Variants in VAT1L observed in about 807,000 individuals in gnomAD.
The protein encoded by VAT1L is vesicle amine transport 1 like, also known as putative NADPH-dependent quinone oxidoreductase VAT1L.
VAT1L carries 34 observed loss-of-function variants against 44.1 expected under a neutral mutation model. That is an observed-to-expected ratio of 0.77 (90% CI 0.59 to 1.03). The LOEUF is 1.03. VAT1L is among the 50% of genes least tolerant of loss of function. The pLI is 0.00. For synonymous variants in VAT1L, 253 were observed against 202.2 expected, an observed-to-expected ratio of 1.25 and a Z score of -2.13; for missense variants, 615 against 538.8, an observed-to-expected ratio of 1.14 and a Z score of -1.40.
rs532330113 is a variant in VAT1L at position 77,838,682 on chromosome 16, T to C, written c.579+13221T>C. Among the ~76,000 whole-genome samples the C allele has an allele frequency of 8.5e-5, 13 of 152,164 alleles. No homozygotes were observed. In the South Asian group the frequency reaches 2.7e-3, roughly 32 times the overall value. ...CTTTCCCTCCCTGCCTCTCTGTTCCTTTGTCTTTCTGTCCATTTCCATCTC... is the reference window on the plus strand; with the variant it reads ...CTTTCCCTCCCTGCCTCTCTGTTCCCTTGTCTTTCTGTCCATTTCCATCTC... On this transcript the variant is annotated intron_variant, in intron 3 of 8. Coordinates refer to ENST00000302536, the MANE Select transcript of VAT1L (RefSeq NM_020927.3).
intron 7 of VAT1L, among the ~76,000 whole-genome samples, chr16:77,971,012 T>A (rs2018272761): frequency 9.3e-4 from 2 of 2,144 alleles, no homozygotes; most frequent in Non-Finnish European, 2.0e-3. Flanking sequence ...TATTAAAACT[T>A]TTTTTTTTTT....
chr16:77,929,580 A>C (rs530720908), intron 7 of VAT1L, among the ~76,000 whole-genome samples: 46 of 152,208 alleles, frequency 3.0e-4, no homozygotes, highest in Non-Finnish European at 5.6e-4. Context: ...AACATATCTC[A>C]AGACACTAAC....
chr16:77,817,725 G>A (rs1456694358), intron 2 of VAT1L, among the ~76,000 whole-genome samples: 1 of 152,140 alleles, frequency 6.6e-6, no homozygotes. Context: ...GTAAAAAGAT[G>A]TATGACCCTT....
chr16:77,932,696 A>G lies in VAT1L; in HGVS notation c.1078-39154A>G, dbSNP rs143319772. 1.3e-3 allele frequency among the ~76,000 whole-genome samples: 205 copies of G among 152,168 alleles called. 1 individual carries two copies. The highest frequency in any genetic ancestry group is 3.4e-3 in the Middle Eastern group (1 of 294). ...CAGAGTGTCTGGTGAAAGGAATGCC[A>G]CCTCCTACCAATTCAGCAATCCCTG... On this transcript the variant is annotated intron_variant, in intron 7 of 8. Coordinates refer to ENST00000302536, the MANE Select transcript of VAT1L (RefSeq NM_020927.3).
intron 7 of VAT1L, among the ~76,000 whole-genome samples, chr16:77,963,441 A>T (rs945129586): frequency 5.3e-5 from 8 of 152,108 alleles, no homozygotes; most frequent in Non-Finnish European, 8.8e-5. Context: ...CCCTGGAAAC[A>T]AATGCAGGAA....
Position 77,977,703 on chromosome 16 carries a change from C to T in VAT1L, c.*8C>T, listed in dbSNP as rs767255521. 1.2e-6 allele frequency: 2 copies of T among 1,612,850 alleles called. No homozygotes were observed. Among genetic ancestry groups the T allele is most frequent in the South Asian group, 1.1e-5 (1 of 90,758 alleles). On this transcript the variant is annotated 3_prime_UTR_variant, in exon 9 of 9. Coordinates refer to ENST00000302536, the MANE Select transcript of VAT1L (RefSeq NM_020927.3). ...ATGCCCTTTATCCAGTAACTGAGGA[C>T]CCAGGTGGGAGAATGTGAAGGATGG...
chr16:77,805,662 G>A (rs2016142945), intron 1 of VAT1L, among the ~76,000 whole-genome samples: 1 of 151,970 alleles, frequency 6.6e-6, no homozygotes, highest in South Asian at 2.1e-4. Context: ...CGAGGCAGAG[G>A]GCTGGTAAAG....
At position 77,955,729 on chromosome 16, in the gene VAT1L, C is replaced by CCAA. The variant is rs375265679; in HGVS notation, c.1078-16121_1078-16120insCAA. On this transcript the variant is annotated intron_variant, in intron 7 of 8. Transcript: ENST00000302536. Reference sequence around the variant, plus strand: ...GACAGAGGCTCCATATCCCCCCCCCCAAAAAAAAAAAAAGAGAGAGAATGG... The same window carrying CCAA: ...GACAGAGGCTCCATATCCCCCCCCCCCAAAAAAAAAAAAAAAGAGAGAGAATGG... Among the ~76,000 whole-genome samples, 436 of 137,914 alleles carry CCAA rather than the reference C, an allele frequency of 3.2e-3. 5 individuals are homozygous for CCAA. The highest frequency in any genetic ancestry group is 0.02 in the East Asian group (91 of 4,578). 90.5% of individuals were successfully genotyped at this position (137,914 alleles called of 152,430 possible). A position where few individuals can be genotyped will look rare whatever the true frequency, so the allele number is the denominator to read the frequency against.
chr16:77,827,341 G>C (rs933289144), intron 3 of VAT1L, among the ~76,000 whole-genome samples: 1 of 152,134 alleles, frequency 6.6e-6, no homozygotes, highest in Non-Finnish European at 1.5e-5. Flanking sequence ...CTGAGAATTA[G>C]TATTTATACA....
chr16:77,860,166 T>C (rs1171410391), intron 3 of VAT1L, among the ~76,000 whole-genome samples: 1 of 152,202 alleles, frequency 6.6e-6, no homozygotes, highest in Non-Finnish European at 1.5e-5. Context: ...TGCCAACACC[T>C]TGATTTTAGA....
intron 8 of VAT1L, among the ~76,000 whole-genome samples, chr16:77,975,764 G>A (rs1158028813): frequency 6.6e-6 from 1 of 152,192 alleles, no homozygotes; most frequent in African/African-American, 2.4e-5. Context: ...GATGTGTCAT[G>A]AGGTCAGAGC....
chr16:77,939,376 G>T (rs962120590), intron 7 of VAT1L, among the ~76,000 whole-genome samples: 8 of 152,158 alleles, frequency 5.3e-5, no homozygotes, highest in African/African-American at 1.9e-4. Flanking sequence ...GCTCAAACCA[G>T]TGGGGGGCCG....
intron 7 of VAT1L, among the ~76,000 whole-genome samples, chr16:77,897,666 G>T (rs2017338483): frequency 6.6e-6 from 1 of 152,038 alleles, no homozygotes; most frequent in African/African-American, 2.4e-5. Flanking sequence ...GCAGAGTCGG[G>T]GTTTCACCAT....
At chr16:77,929,362 C>G (rs998584582) in intron 7 of VAT1L, among the ~76,000 whole-genome samples, 3 of 152,136 alleles carry the variant, frequency 2.0e-5, no homozygotes, top group African/African-American at 7.2e-5. Flanking sequence ...TATGAGCCCT[C>G]TGTGCATGTG....
intron 7 of VAT1L, among the ~76,000 whole-genome samples, chr16:77,906,309 A>G (rs1374093089): frequency 1.3e-5 from 2 of 152,210 alleles, no homozygotes; most frequent in Non-Finnish European, 2.9e-5. Flanking sequence ...GAAGCAAAAC[A>G]TCACCAGGTC....
chr16:77,901,932 AG>A (rs2017387935), intron 7 of VAT1L, among the ~76,000 whole-genome samples: 1 of 152,178 alleles, frequency 6.6e-6, no homozygotes, highest in African/African-American at 2.4e-5. Context: ...TGGTTTGCCG[AG>A]GAAGTGGCTG....
At chr16:77,797,177 T>C (rs2015952419) in intron 1 of VAT1L, among the ~76,000 whole-genome samples, 1 of 151,838 alleles carries the variant, frequency 6.6e-6, no homozygotes, top group Non-Finnish European at 1.5e-5. Context: ...AATGGCGCTA[T>C]CTTGGCTCAC....
chr16:77,865,389 G>A (rs960410221), intron 4 of VAT1L, among the ~76,000 whole-genome samples: 7 of 152,032 alleles, frequency 4.6e-5, no homozygotes, highest in Admixed American at 6.6e-5. Context: ...ATTCTTTCAT[G>A]TACGCATGAA....
chr16:77,934,323 T>C (rs1164008461), intron 7 of VAT1L, among the ~76,000 whole-genome samples: 1 of 152,054 alleles, frequency 6.6e-6, no homozygotes, highest in Non-Finnish European at 1.5e-5. Context: ...ACCCCCAAGA[T>C]GACCCTGTTC....
Sources: allele counts gnomAD v4.1 joint callset (sites outside exome capture counted in the v4.1 genomes callset), GRCh38; gene constraint gnomAD v4.1.1; transcripts MANE v1.5; gene names NCBI Gene and HGNC (gene_info 2026-07-23, HGNC 2026-07-21).